Variants in ANK3 observed in about 807,000 individuals in gnomAD.
The protein encoded by ANK3 is ankyrin 3, also known as ankyrin-3.
ANK3 carries 57 observed loss-of-function variants against 370.9 expected under a neutral mutation model. The ratio of observed to expected loss-of-function variants is 0.15; its 90% CI spans 0.12 to 0.19. The LOEUF is 0.19. Among genes scored for constraint, ANK3 ranks in the 10% least tolerant of loss-of-function variants. The pLI, the probability that ANK3 is intolerant of heterozygous loss-of-function variation, is 1.00. For synonymous variants in ANK3, 1,929 were observed against 1,946.3 expected (o/e 0.99, Z 0.23); for missense variants, 4,439 against 5,302.1 (o/e 0.84, Z 5.06).
At position 60,345,644 on chromosome 10, in the gene ANK3, C is replaced by T. The variant is rs191841197; in HGVS notation, c.114+43781G>A. Among the ~76,000 whole-genome samples the T allele has an allele frequency of 1.8e-4, 28 of 152,244 alleles. 1 individual carries two copies. Among genetic ancestry groups the T allele is most frequent in the African/African-American group, 6.3e-4 (26 of 41,574 alleles). On this transcript the variant is annotated intron_variant, in intron 1 of 43. Coordinates refer to ENST00000280772, the MANE Select transcript of ANK3 (RefSeq NM_020987.5). ...AGAAGATAAGACAATACTAAAGCTC[C>T]AGTTCATTCATCCAACACATGTTTA...
chr10:60,292,057 T>C (rs1194528527), intron 1 of ANK3, among the ~76,000 whole-genome samples: 2 of 152,218 alleles, frequency 1.3e-5, no homozygotes, highest in Admixed American at 6.5e-5. Context: ...TATTCAACTT[T>C]ATTTCATTAG....
At chr10:60,680,356 G>A (rs529194538) in intron 1 of ANK3, among the ~76,000 whole-genome samples, 55 of 152,336 alleles carry the variant, frequency 3.6e-4, no homozygotes, top group African/African-American at 1.3e-3. Context: ...GTGAGGGCCA[G>A]CATGGCCCAG....
chr10:60,383,838 T>G (rs979488368), intron 1 of ANK3, among the ~76,000 whole-genome samples: 12 of 152,134 alleles, frequency 7.9e-5, no homozygotes, highest in Non-Finnish European at 7.4e-5. Context: ...CCCAGGTAAT[T>G]AGGAATGGGG....
intron 8 of ANK3, among the ~76,000 whole-genome samples, chr10:60,216,655 G>A (rs1213632239): frequency 1.3e-5 from 2 of 152,164 alleles, no homozygotes; most frequent in Admixed American, 1.3e-4. Flanking sequence ...TGTGCTGCTG[G>A]TTTCGGTTTG....
chr10:60,395,589 T>TTTCC lies in ANK3; in HGVS notation c.97-115951_97-115950insGGAA, dbSNP rs2063210951. Among the ~76,000 whole-genome samples, 4 of 126,180 alleles carry TTTCC rather than the reference T, an allele frequency of 3.2e-5. No homozygotes were observed. In the East Asian group the frequency reaches 7.3e-4, roughly 23 times the overall value. The allele number at this position is 126,180 out of a possible 152,430, so 82.8% of individuals were successfully genotyped here. A position where few individuals can be genotyped will look rare whatever the true frequency, so the allele number is the denominator to read the frequency against. On this transcript the variant is annotated intron_variant, in intron 2 of 43. Coordinates refer to the ANK3 transcript ENST00000373827. ...CTTTCTTTCTTTCTTTCTTTCTTTC[T>TTTCC]TTCTTTCTTTCTTTCTTTCTCTCTT...
intron 42 of ANK3, among the ~76,000 whole-genome samples, chr10:60,047,392 G>C (rs2077146570): frequency 6.6e-6 from 1 of 152,186 alleles, no homozygotes; most frequent in Non-Finnish European, 1.5e-5. Flanking sequence ...AATATGAAAT[G>C]TACCAATTTG....
chr10:60,272,490 T>A (rs1240519540), intron 4 of ANK3, among the ~76,000 whole-genome samples: 1 of 151,988 alleles, frequency 6.6e-6, no homozygotes, highest in Non-Finnish European at 1.5e-5. Context: ...GTTTGTTTTT[T>A]TTTTGTTGAG....
In ANK3 at chr10:60,214,628, C is replaced by T. The variant is rs1027092053; in HGVS notation, c.898-1118G>A. On this transcript the variant is annotated intron_variant, in intron 8 of 43. Coordinates refer to ENST00000280772, the MANE Select transcript of ANK3 (RefSeq NM_020987.5). Reference sequence around the variant, plus strand: ...CATGAGGTATTTGGTTTTCTGTTCCCGTGTTTGTTTGCTGAGGATGATGGC... The same window carrying T: ...CATGAGGTATTTGGTTTTCTGTTCCTGTGTTTGTTTGCTGAGGATGATGGC... Among the ~76,000 whole-genome samples, 6 of 151,974 alleles carry T rather than the reference C, an allele frequency of 3.9e-5. No homozygotes were observed. The South Asian group carries it at 8.3e-4, about 21-fold the overall frequency.
intron 9 of ANK3, among the ~76,000 whole-genome samples, chr10:60,212,112 TAAG>T (rs775329711): frequency 4.6e-5 from 7 of 151,740 alleles, no homozygotes; most frequent in East Asian, 1.9e-4. Flanking sequence ...AGAAAAAAAT[TAAG>T]AAGATTTCTC....
chr10:60,631,959 A>G (rs1185451965), intron 1 of ANK3, among the ~76,000 whole-genome samples: 1 of 152,184 alleles, frequency 6.6e-6, no homozygotes, highest in Non-Finnish European at 1.5e-5. Flanking sequence ...GGGGATTACA[A>G]TTTACACCTA....
rs183491732 is a variant in ANK3, at chr10:60,230,612, T to C, written c.897+4076A>G. On this transcript the variant is annotated intron_variant, in intron 8 of 43. Coordinates refer to ENST00000280772, the MANE Select transcript of ANK3 (RefSeq NM_020987.5). ...ATAGAAACATGAAGGGTTTGGGGGC[T>C]GGGTGCGGTGGCTCACGCCTGTAAT... Among the ~76,000 whole-genome samples, 445 of 152,256 alleles carry C rather than the reference T, an allele frequency of 2.9e-3. 2 individuals are homozygous for C. Among genetic ancestry groups the C allele is most frequent in the African/African-American group, 0.01 (425 of 41,564 alleles).
At chr10:60,055,145 T>G (rs930496493) in intron 42 of ANK3, among the ~76,000 whole-genome samples, 12 of 150,780 alleles carry the variant, frequency 8.0e-5, no homozygotes, top group Non-Finnish European at 1.5e-4. Flanking sequence ...TCACCTCATT[T>G]TAGGCTTGGA....
chr10:60,140,161 A>G, intron 23 of ANK3: 2 of 612,540 alleles, frequency 3.3e-6, no homozygotes, highest in Non-Finnish European at 5.7e-6. Flanking sequence ...CTTTTAAACT[A>G]CCAATCAAGT....
chr10:60,304,977 G>A (rs1344913550), intron 1 of ANK3, among the ~76,000 whole-genome samples: 4 of 152,160 alleles, frequency 2.6e-5, no homozygotes, highest in African/African-American at 9.6e-5. Context: ...GTGAGGTGGA[G>A]CCAGTCCTCT....
Position 60,198,542 on chromosome 10 carries a change from A to G in ANK3, c.1492-5T>C. The G allele has an allele frequency of 6.2e-7, 1 of 1,613,952 alleles. No individual in the cohort carries two copies. The highest frequency in any genetic ancestry group is 8.5e-7 in the Non-Finnish European group (1 of 1,179,852). ...GTGGAGTGGTGTTTGGTCATCCTAA[A>G]CAGCAAGGTAGAAATGTAAGGCTGA... On this transcript the variant is annotated splice_polypyrimidine_tract_variant and splice_region_variant and intron_variant, in intron 13 of 43. Transcript: ENST00000280772.
intron 28 of ANK3, among the ~76,000 whole-genome samples, chr10:60,091,592 T>G (rs2088440561): frequency 6.6e-6 from 1 of 151,768 alleles, no homozygotes; most frequent in African/African-American, 2.4e-5. Context: ...CACTAGAGGG[T>G]AGACTGGAGG....
intron 28 of ANK3, 89 bp from the exon 29 acceptor site, chr10:60,088,447 TG>T (rs1432166859): frequency 8.3e-7 from 1 of 1,198,900 alleles, no homozygotes; most frequent in Admixed American, 2.1e-5. Flanking sequence ...TTTTTTGAGA[TG>T]GAGTTTCACT....
At chr10:60,250,554 ACG>A (rs2097644110) in intron 7 of ANK3, among the ~76,000 whole-genome samples, 1 of 151,886 alleles carries the variant, frequency 6.6e-6, no homozygotes. Flanking sequence ...TTTAGTAGAG[ACG>A]GAGTTTCACC....
intron 1 of ANK3, among the ~76,000 whole-genome samples, chr10:60,710,339 G>C (rs2079686456): frequency 6.6e-6 from 1 of 152,058 alleles, no homozygotes; most frequent in East Asian, 1.9e-4. Flanking sequence ...TATAGAGTTA[G>C]GATTTAATAC....
Sources: allele counts gnomAD v4.1 joint callset (sites outside exome capture counted in the v4.1 genomes callset), GRCh38; gene constraint gnomAD v4.1.1; transcripts MANE v1.5; gene names NCBI Gene and HGNC (gene_info 2026-07-23, HGNC 2026-07-21).